The following CBLB variants were observed in gnomAD, a reference collection of about 807,000 sequenced individuals.
The protein encoded by CBLB is E3 ubiquitin-protein ligase CBL-B.
In CBLB, 31 loss-of-function variants were observed where a neutral mutation model predicts 104.9. The observed-to-expected ratio is 0.30, with a 90% CI of 0.22 to 0.40. CBLB has a LOEUF of 0.40. Among genes scored for constraint, CBLB ranks in the 10% least tolerant of loss-of-function variants. CBLB has a pLI of 1.00. For synonymous variants in CBLB, 440 were observed against 422.6 expected (o/e 1.04, Z -0.51); for missense variants, 1,062 against 1,214.6 (o/e 0.87, Z 1.87).
At chr3:105,678,229 T>C (rs938853493) in intron 17 of CBLB, among the ~76,000 whole-genome samples, 3 of 152,196 alleles carry the variant, frequency 2.0e-5, no homozygotes, top group East Asian at 1.9e-4. Flanking sequence ...CTTATTGCTC[T>C]TTCCATCTCT....
At chr3:105,778,453 G>C (rs1478343276) in intron 3 of CBLB, among the ~76,000 whole-genome samples, 1 of 151,806 alleles carries the variant, frequency 6.6e-6, no homozygotes, top group Non-Finnish European at 1.5e-5. Flanking sequence ...TGTATAAGAT[G>C]AATACAGAAA....
intron 9 of CBLB, among the ~76,000 whole-genome samples, chr3:105,727,144 G>A (rs1576648776): frequency 6.6e-6 from 1 of 152,152 alleles, no homozygotes; most frequent in Non-Finnish European, 1.5e-5. Context: ...TTCCACAATG[G>A]TTGAACTAAT....
At chr3:105,748,316 G>A (rs1469679885) in intron 5 of CBLB, among the ~76,000 whole-genome samples, 3 of 152,142 alleles carry the variant, frequency 2.0e-5, no homozygotes, top group Non-Finnish European at 2.9e-5. Flanking sequence ...TCCTTGGCTG[G>A]TCTGCCTAGA....
intron 4 of CBLB, among the ~76,000 whole-genome samples, chr3:105,772,993 A>C (rs971257422): frequency 6.6e-6 from 1 of 152,216 alleles, no homozygotes; most frequent in Admixed American, 6.5e-5. Flanking sequence ...TCTTTAAAGA[A>C]CTAAAAGTAG....
At chr3:105,758,351 A>G (rs1050806281) in intron 4 of CBLB, among the ~76,000 whole-genome samples, 1 of 152,212 alleles carries the variant, frequency 6.6e-6, no homozygotes, top group Non-Finnish European at 1.5e-5. Context: ...TGACACGATA[A>G]AGACACAGAT....
At chr3:105,683,681 G>A (rs62264260) in intron 14 of CBLB, among the ~76,000 whole-genome samples, 10,077 of 152,200 alleles carry the variant, frequency 0.066, 482 homozygotes, top group Admixed American at 0.15. Context: ...TTGATGAGAA[G>A]GAATATCTTT....
intron 13 of CBLB, among the ~76,000 whole-genome samples, chr3:105,688,647 C>T (rs1379563734): frequency 6.6e-6 from 1 of 151,974 alleles, no homozygotes; most frequent in African/African-American, 2.4e-5. Context: ...TACATTATCC[C>T]AATCCTAACA....
chr3:105,868,338 A>G, intron 1 of CBLB: 2 of 665,744 alleles, frequency 3.0e-6, no homozygotes, highest in Non-Finnish European at 4.2e-6. Context: ...GCTTTGTTTC[A>G]GGACGCCTGT....
intron 4 of CBLB, among the ~76,000 whole-genome samples, chr3:105,754,288 T>C (rs2076843650): frequency 6.6e-6 from 1 of 152,140 alleles, no homozygotes; most frequent in African/African-American, 2.4e-5. Context: ...GTGGCTACCA[T>C]TCTTCTCTGA....
At position 105,719,065 on chromosome 3, in the gene CBLB, T is replaced by A. The variant is rs141156946; in HGVS notation, c.1407+982A>T. Among the ~76,000 whole-genome samples, 348 of 152,322 alleles carry A rather than the reference T, an allele frequency of 2.3e-3. 2 individuals are homozygous for A. Among genetic ancestry groups the A allele is most frequent in the African/African-American group, 8.1e-3 (338 of 41,572 alleles). On this transcript the variant is annotated intron_variant, in intron 10 of 18. Coordinates refer to ENST00000394030, the MANE Select transcript of CBLB (RefSeq NM_170662.5). ...GTCAATTTTTGTGAGTCAACAACAT[T>A]AATGAGCAAACTCAGATTCTGGTAA...
chr3:105,763,962 C>T (rs1019253133), intron 4 of CBLB, among the ~76,000 whole-genome samples: 1 of 152,210 alleles, frequency 6.6e-6, no homozygotes, highest in Non-Finnish European at 1.5e-5. Flanking sequence ...GGCCAGGTGA[C>T]ATCTGCATAC....
intron 4 of CBLB, among the ~76,000 whole-genome samples, chr3:105,755,106 C>T (rs2076969367): frequency 6.6e-6 from 1 of 151,258 alleles, no homozygotes; most frequent in African/African-American, 2.4e-5. Flanking sequence ...TATACATGTG[C>T]CATGCTGGTG....
At chr3:105,820,489 T>A (rs552574837) in intron 3 of CBLB, among the ~76,000 whole-genome samples, 4 of 152,280 alleles carry the variant, frequency 2.6e-5, no homozygotes, top group Admixed American at 2.0e-4. Context: ...ATTTGTAATG[T>A]GTAAATGAAC....
At chr3:105,691,882 A>G (rs1162469565) in intron 13 of CBLB, among the ~76,000 whole-genome samples, 1 of 152,132 alleles carries the variant, frequency 6.6e-6, no homozygotes, top group African/African-American at 2.4e-5. Flanking sequence ...CCTGTACTTC[A>G]TGAGTCATGA....
chr3:105,752,552 T>TAAGA (rs2076688236), intron 4 of CBLB, among the ~76,000 whole-genome samples: 1 of 152,248 alleles, frequency 6.6e-6, no homozygotes, highest in East Asian at 1.9e-4. Context: ...GTCCCTCTTA[T>TAAGA]AAGATAACAT....
chr3:105,852,777 G>A (rs2153119811), intron 3 of CBLB, among the ~76,000 whole-genome samples: 1 of 152,074 alleles, frequency 6.6e-6, no homozygotes, highest in African/African-American at 2.4e-5. Context: ...GAGTGCAATG[G>A]CACAATCTCA....
At chr3:105,844,285 T>A (rs1195997138) in intron 3 of CBLB, among the ~76,000 whole-genome samples, 1 of 152,172 alleles carries the variant, frequency 6.6e-6, no homozygotes, top group African/African-American at 2.4e-5. Flanking sequence ...AGAATAAATT[T>A]CTCTCGTTTA....
intron 3 of CBLB, among the ~76,000 whole-genome samples, chr3:105,814,269 C>T (rs1277123823): frequency 6.6e-6 from 1 of 152,100 alleles, no homozygotes; most frequent in Non-Finnish European, 1.5e-5. Context: ...GAAAATAAAA[C>T]TAACAACATA....
intron 3 of CBLB, among the ~76,000 whole-genome samples, chr3:105,830,166 G>A (rs562155118): frequency 6.6e-6 from 1 of 152,292 alleles, no homozygotes; most frequent in African/African-American, 2.4e-5. Flanking sequence ...TTGGAAGGCT[G>A]TCCAGGGTAT....
Sources: gnomAD v4.1 joint callset for allele counts (sites outside exome capture counted in the v4.1 genomes callset) on GRCh38, gnomAD v4.1.1 for gene constraint, MANE v1.5 for transcripts, NCBI Gene and HGNC (gene_info 2026-07-23, HGNC 2026-07-21) for gene names.